GRIK2: variants seen among roughly 807,000 people sequenced by gnomAD.
GRIK2 encodes glutamate ionotropic receptor kainate type subunit 2.
A neutral mutation model predicts 100.3 loss-of-function variants in GRIK2; 32 were observed. That is an observed-to-expected ratio of 0.32 (90% CI 0.24 to 0.43). The LOEUF (loss-of-function observed/expected upper bound fraction) is 0.43. GRIK2 is among the 20% of genes least tolerant of loss of function. The pLI is 1.00. For synonymous variants in GRIK2, 417 were observed against 389.4 expected (o/e 1.07, Z -0.83); for missense variants, 843 against 1,114.9 (o/e 0.76, Z 3.47).
At chr6:101,524,303 C>T (rs1016786248) in intron 2 of GRIK2, among the ~76,000 whole-genome samples, 17 of 152,126 alleles carry the variant, frequency 1.1e-4, no homozygotes, top group Middle Eastern at 6.8e-3. Flanking sequence ...TTGCCTAAAA[C>T]CACTGGTTTT....
chr6:102,069,021 T>C lies in GRIK2; in HGVS notation c.*510T>C, dbSNP rs1772146868. Reference sequence around the variant, plus strand: ...CTACTCAGTATAATTATTGTCTGAATGCAAAGTATGTGTTTATAGGATGTG... The same window carrying C: ...CTACTCAGTATAATTATTGTCTGAACGCAAAGTATGTGTTTATAGGATGTG... On this transcript the variant is annotated 3_prime_UTR_variant, in exon 17 of 17. Coordinates refer to ENST00000369134, the MANE Select transcript of GRIK2 (RefSeq NM_021956.5). 3 of 152,122 alleles carry C rather than the reference T, an allele frequency of 2.0e-5. No individual in the cohort carries two copies. The South Asian group carries it at 6.2e-4, about 31-fold the overall frequency. 9.4% of individuals were successfully genotyped at this position (152,122 alleles called of 1,614,324 possible). A position where few individuals can be genotyped will look rare whatever the true frequency, so the allele number is the denominator to read the frequency against.
At position 101,430,975 on chromosome 6, in the gene GRIK2, G is replaced by T. The variant is rs144353287; in HGVS notation, c.115+31583G>T. 3.2e-4 allele frequency: 88 copies of T among 276,992 alleles called. No individual in the cohort carries two copies. In the East Asian group the frequency reaches 8.0e-3, roughly 25 times the overall value. The allele number at this position is 276,992 out of a possible 1,614,324, so 17.2% of individuals were successfully genotyped here. A position where few individuals can be genotyped will look rare whatever the true frequency, so the allele number is the denominator to read the frequency against. On this transcript the variant is annotated intron_variant, in intron 2 of 16. Transcript: ENST00000369134. ...GCATAGCCCTCAAAGATGGCACTGT[G>T]TAAGTGACCCCATCTCCAGAGTCCA...
At chr6:101,931,658 T>G (rs528360610) in intron 14 of GRIK2, among the ~76,000 whole-genome samples, 1,207 of 20,334 alleles carry the variant, frequency 0.059, 17 homozygotes, top group African/African-American at 0.13. Flanking sequence ...AGAAAAATTC[T>G]TCCTTCTTTT....
At chr6:101,666,553 A>G (rs1339867202) in intron 4 of GRIK2, among the ~76,000 whole-genome samples, 1 of 152,068 alleles carries the variant, frequency 6.6e-6, no homozygotes, top group Non-Finnish European at 1.5e-5. Flanking sequence ...AAACAAAAGC[A>G]CTCTTGTTAG....
At chr6:101,494,777 A>C (rs890895019) in intron 2 of GRIK2, among the ~76,000 whole-genome samples, 3 of 151,078 alleles carry the variant, frequency 2.0e-5, no homozygotes, top group African/African-American at 7.3e-5. Context: ...CTAAAAATAC[A>C]AAAAAATTAG....
intron 2 of GRIK2, among the ~76,000 whole-genome samples, chr6:101,475,352 C>A (rs1431268957): frequency 6.6e-6 from 1 of 151,726 alleles, no homozygotes; most frequent in Non-Finnish European, 1.5e-5. Flanking sequence ...TTGTCAGAGT[C>A]CACCGAAATG....
chr6:101,966,543 T>G (rs1186144529), intron 14 of GRIK2, among the ~76,000 whole-genome samples: 2 of 152,136 alleles, frequency 1.3e-5, no homozygotes, highest in Non-Finnish European at 2.9e-5. Flanking sequence ...TAACAGGATA[T>G]GTTGAGGACC....
At chr6:101,958,486 C>T (rs1433318351) in intron 14 of GRIK2, among the ~76,000 whole-genome samples, 2 of 152,012 alleles carry the variant, frequency 1.3e-5, no homozygotes, top group Non-Finnish European at 1.5e-5. Context: ...TATCATTTGA[C>T]GTCCTCTTTT....
At chr6:101,882,590 G>A (rs1786330481) in intron 11 of GRIK2, among the ~76,000 whole-genome samples, 1 of 151,756 alleles carries the variant, frequency 6.6e-6, no homozygotes, top group Admixed American at 6.6e-5. Context: ...TCCTATTCAT[G>A]CCCTACAAGT....
chr6:101,846,667 G>C (rs1783828302), intron 10 of GRIK2, among the ~76,000 whole-genome samples: 1 of 151,934 alleles, frequency 6.6e-6, no homozygotes, highest in African/African-American at 2.4e-5. Context: ...GGAGGTTCTG[G>C]ATGACTGGTT....
intron 14 of GRIK2, among the ~76,000 whole-genome samples, chr6:101,984,675 TC>T (rs914998717): frequency 2.8e-5 from 4 of 143,106 alleles, no homozygotes; most frequent in African/African-American, 7.6e-5. Context: ...TTTAACAGCA[TC>T]TTTTCTGTAA....
intron 7 of GRIK2, among the ~76,000 whole-genome samples, chr6:101,701,969 A>T (rs564722333): frequency 9.2e-5 from 14 of 152,168 alleles, no homozygotes; most frequent in African/African-American, 3.4e-4. Context: ...ACTGGTTAAA[A>T]TATACTGATT....
chr6:101,752,259 G>T (rs948877043), intron 7 of GRIK2, among the ~76,000 whole-genome samples: 3 of 151,944 alleles, frequency 2.0e-5, no homozygotes, highest in Non-Finnish European at 4.4e-5. Flanking sequence ...CCTCCTCAAC[G>T]AGCCTCAAAA....
intron 9 of GRIK2, among the ~76,000 whole-genome samples, chr6:101,803,882 A>G (rs1263354912): frequency 1.3e-5 from 2 of 151,900 alleles, no homozygotes; most frequent in African/African-American, 4.8e-5. Context: ...ATGATGATCT[A>G]TCACACTGAT....
intron 7 of GRIK2, among the ~76,000 whole-genome samples, chr6:101,765,368 G>A (rs142411615): frequency 1.3e-3 from 202 of 152,166 alleles, no homozygotes; most frequent in African/African-American, 3.6e-3. Context: ...TACTGAATGC[G>A]TGTGTGCTTT....
chr6:101,587,833 A>G (rs1404907506), intron 2 of GRIK2, among the ~76,000 whole-genome samples: 1 of 152,124 alleles, frequency 6.6e-6, no homozygotes, highest in African/African-American at 2.4e-5. Flanking sequence ...AAGACTGCAG[A>G]GGTTTCTATG....
At chr6:101,525,115 A>T (rs9404114) in intron 2 of GRIK2, among the ~76,000 whole-genome samples, 1,638 of 152,328 alleles carry the variant, frequency 0.011, 48 homozygotes, top group East Asian at 0.083. Flanking sequence ...ATACCAAATT[A>T]TTGATAGGCT....
At chr6:101,814,698 C>A (rs967615411) in intron 9 of GRIK2, among the ~76,000 whole-genome samples, 7 of 152,022 alleles carry the variant, frequency 4.6e-5, no homozygotes, top group African/African-American at 9.7e-5. Flanking sequence ...TTCTAGAAAT[C>A]TGTTTTTAAA....
At chr6:101,659,079 T>C (rs1769410076) in intron 4 of GRIK2, among the ~76,000 whole-genome samples, 1 of 152,218 alleles carries the variant, frequency 6.6e-6, no homozygotes, top group African/African-American at 2.4e-5. Flanking sequence ...CTTTTGGTGT[T>C]TTAGACATGA....
Sources: allele counts gnomAD v4.1 joint callset (sites outside exome capture counted in the v4.1 genomes callset), GRCh38; gene constraint gnomAD v4.1.1; transcripts MANE v1.5; gene names NCBI Gene and HGNC (gene_info 2026-07-23, HGNC 2026-07-21).